Variants in ARIH1 observed in about 807,000 individuals in gnomAD.
The protein encoded by ARIH1 is E3 ubiquitin-protein ligase ARIH1.
ARIH1 carries 8 observed loss-of-function variants against 85.0 expected under a neutral mutation model. The ratio of observed to expected loss-of-function variants is 0.09; its 90% CI spans 0.06 to 0.17. ARIH1 has a LOEUF of 0.17. Ranked by LOEUF, ARIH1 falls within the 10% of genes least tolerant of loss-of-function variation. The probability of loss-of-function intolerance (pLI) is 1.00; values close to 1 mark genes in which losing one functional copy is unlikely to be tolerated. For missense variants in ARIH1, 311 were observed against 718.1 expected (o/e 0.43, Z 6.48); for synonymous variants, 238 against 253.6 (o/e 0.94, Z 0.59).
At chr15:72,548,895 T>G (rs71397251) in intron 3 of ARIH1, among the ~76,000 whole-genome samples, 2 of 152,224 alleles carry the variant, frequency 1.3e-5, no homozygotes, top group Non-Finnish European at 2.9e-5. Context: ...TTTTGATAGC[T>G]TAGTTTACAA....
rs1363737575 is a variant in ARIH1, at chr15:72,474,361, T to G, written c.-279T>G. 4 of 425,032 alleles carry G rather than the reference T, an allele frequency of 9.4e-6. No individual in the cohort carries two copies. Among genetic ancestry groups the G allele is most frequent in the African/African-American group, 2.2e-5 (1 of 46,400 alleles). 26.3% of individuals were successfully genotyped at this position (425,032 alleles called of 1,614,324 possible). ...GATAGCAGCGGCCGTGGAGGTGGCG[T>G]TGGGGACTGTTTTCTCTCGGAGGCC... On this transcript the variant is annotated 5_prime_UTR_variant, in exon 1 of 14. Coordinates refer to ENST00000379887, the MANE Select transcript of ARIH1 (RefSeq NM_005744.5).
At chr15:72,543,215 G>T (rs910345923) in intron 2 of ARIH1, among the ~76,000 whole-genome samples, 1 of 152,014 alleles carries the variant, frequency 6.6e-6, no homozygotes. Flanking sequence ...GATTGCAGGT[G>T]TGAGCCACCG....
At chr15:72,521,282 A>G (rs2063998852) in intron 2 of ARIH1, among the ~76,000 whole-genome samples, 1 of 133,032 alleles carries the variant, frequency 7.5e-6, no homozygotes, top group Non-Finnish European at 1.5e-5. Context: ...CTTAGAATAT[A>G]TCCTGTAATA....
intron 2 of ARIH1, among the ~76,000 whole-genome samples, chr15:72,519,303 C>G (rs1460545561): frequency 6.6e-6 from 1 of 151,478 alleles, no homozygotes; most frequent in African/African-American, 2.4e-5. Flanking sequence ...CACCTTGTAT[C>G]TATTAAATTA....
At chr15:72,514,697 T>C (rs2063966621) in intron 1 of ARIH1, among the ~76,000 whole-genome samples, 1 of 148,990 alleles carries the variant, frequency 6.7e-6, no homozygotes. Flanking sequence ...AAGCAAGACC[T>C]TGTCTTAAAA....
rs2064178164 is a variant in ARIH1 at position 72,557,218 on chromosome 15, G to A, written c.737+1311G>A. Among the ~76,000 whole-genome samples, 6 of 151,910 alleles carry A rather than the reference G, an allele frequency of 3.9e-5. No individual in the cohort carries two copies. In the South Asian group the frequency reaches 1.0e-3, roughly 26 times the overall value. On this transcript the variant is annotated intron_variant, in intron 5 of 13. Transcript: ENST00000379887. ...GATTTGCATTTCTCTAGTGATTAGT[G>A]GTGTTGAGCATTTTTTTGTACCTGT... is the stretch of plus-strand genomic sequence containing the variant.
chr15:72,564,714 C>G (rs753137010), intron 7 of ARIH1, among the ~76,000 whole-genome samples: 1 of 152,132 alleles, frequency 6.6e-6, no homozygotes, highest in African/African-American at 2.4e-5. Flanking sequence ...TCTTACAGTT[C>G]TTAAGGGTGA....
rs1444132035 is a variant in ARIH1 at position 72,598,872 on chromosome 15, C to A, written c.*15580C>A. 1 of 142,424 alleles carries A rather than the reference C, an allele frequency of 7.0e-6. No homozygotes were observed. Among genetic ancestry groups the A allele is most frequent in the Non-Finnish European group, 1.5e-5 (1 of 65,480 alleles). The allele number at this position is 142,424 out of a possible 1,614,324, so 8.8% of individuals were successfully genotyped here. On this transcript the variant is annotated 3_prime_UTR_variant, in exon 14 of 14. Transcript: ENST00000379887. Reference sequence around the variant, plus strand: ...AGCTGGGACCACAGTCATGTGCCACCATGCCTGGCTTTTTTTTTTTTGTAG... The same window carrying A: ...AGCTGGGACCACAGTCATGTGCCACAATGCCTGGCTTTTTTTTTTTTGTAG...
intron 1 of ARIH1, among the ~76,000 whole-genome samples, chr15:72,483,327 C>T (rs978537939): frequency 5.9e-5 from 9 of 152,238 alleles, no homozygotes; most frequent in African/African-American, 2.2e-4. Context: ...AGCTTGTTTC[C>T]TCCAGAGTGA....
rs1283799939 is a variant in ARIH1 at position 72,596,849 on chromosome 15, TCTGCTGAAATTTC to T, written c.*13560_*13572del. On this transcript the variant is annotated 3_prime_UTR_variant, in exon 14 of 14. Coordinates refer to ENST00000379887, the MANE Select transcript of ARIH1 (RefSeq NM_005744.5). ...CATTATATTTGTATAGTTACAATTT[TCTGCTGAAATTTC>T]CTATTTCTTCATGCATGTTTTCCAC... 1.3e-5 allele frequency: 2 copies of T among 152,222 alleles called. No individual in the cohort carries two copies. The highest frequency in any genetic ancestry group is 2.9e-5 in the Non-Finnish European group (2 of 68,032). The allele number at this position is 152,222 out of a possible 1,614,324, so 9.4% of individuals were successfully genotyped here.
At chr15:72,501,755 A>C (rs1238284478) in intron 1 of ARIH1, among the ~76,000 whole-genome samples, 1 of 152,244 alleles carries the variant, frequency 6.6e-6, no homozygotes, top group Non-Finnish European at 1.5e-5. Context: ...AATTCTAATC[A>C]CCACAAAAAT....
chr15:72,590,852 T>G lies in ARIH1; in HGVS notation c.*7560T>G, dbSNP rs1332287087. The stretch of plus-strand genomic sequence containing the variant: ...TTATGCCTGTTTAAAGGTTTGGTAT[T>G]TACTCCAAGTCACCTGCCTTTAGCC... On this transcript the variant is annotated 3_prime_UTR_variant, in exon 14 of 14. Coordinates refer to ENST00000379887, the MANE Select transcript of ARIH1 (RefSeq NM_005744.5). 6.6e-6 allele frequency: 1 copy of G among 152,192 alleles called. No homozygotes were observed. The highest frequency in any genetic ancestry group is 1.5e-5 in the Non-Finnish European group (1 of 68,048). 9.4% of individuals were successfully genotyped at this position (152,192 alleles called of 1,614,324 possible).
chr15:72,550,587 A>G (rs768157630), intron 3 of ARIH1, among the ~76,000 whole-genome samples: 13 of 152,180 alleles, frequency 8.5e-5, no homozygotes, highest in Non-Finnish European at 1.2e-4. Context: ...ATGGGGAGTA[A>G]TGATAATAGA....
chr15:72,573,546 C>T (rs896021461), intron 11 of ARIH1, among the ~76,000 whole-genome samples: 4 of 151,728 alleles, frequency 2.6e-5, no homozygotes, highest in Non-Finnish European at 4.4e-5. Flanking sequence ...GAGACTCTGT[C>T]GCTAAATAAA....
In ARIH1 at chr15:72,602,062, T is replaced by C. The variant is rs2064383875; in HGVS notation, c.*18770T>C. 6.6e-6 allele frequency: 1 copy of C among 152,226 alleles called. No homozygotes were observed. The allele number at this position is 152,226 out of a possible 1,614,324, so 9.4% of individuals were successfully genotyped here. On this transcript the variant is annotated 3_prime_UTR_variant, in exon 14 of 14. Transcript: ENST00000379887. ...TTTCTTTTTCATGCGCCATATAATA[T>C]GGACTTATAATTTATTTAACCTCTA...
At chr15:72,556,507 T>G (rs73444791) in intron 5 of ARIH1, among the ~76,000 whole-genome samples, 5,864 of 152,314 alleles carry the variant, frequency 0.038, 341 homozygotes, top group African/African-American at 0.13. Context: ...CTGCTGCTGA[T>G]TTCAGATACA....
In ARIH1 at chr15:72,484,551, A is replaced by G. The variant is rs115677413; in HGVS notation, c.375+9537A>G. 4.5e-3 allele frequency among the ~76,000 whole-genome samples: 677 copies of G among 152,024 alleles called. 7 individuals are homozygous for G. Among genetic ancestry groups the G allele is most frequent in the African/African-American group, 0.016 (652 of 41,466 alleles). On this transcript the variant is annotated intron_variant, in intron 1 of 13. Transcript: ENST00000379887. ...TCTGTTCTTGATTTACTTCTCTTAG[A>G]ATAATAAGTCTCCAATCCCATCCAG...
intron 2 of ARIH1, among the ~76,000 whole-genome samples, chr15:72,526,295 G>A (rs1479599102): frequency 6.6e-6 from 1 of 152,022 alleles, no homozygotes; most frequent in African/African-American, 2.4e-5. Flanking sequence ...CCTGGAGGGA[G>A]GTGCCCATGG....
At chr15:72,553,001 C>A (rs1467444396) in intron 3 of ARIH1, among the ~76,000 whole-genome samples, 1 of 152,092 alleles carries the variant, frequency 6.6e-6, no homozygotes, top group African/African-American at 2.4e-5. Context: ...TCTTAAACTC[C>A]TGACTGTAAG....
Sources: allele counts gnomAD v4.1 joint callset (sites outside exome capture counted in the v4.1 genomes callset), GRCh38; gene constraint gnomAD v4.1.1; transcripts MANE v1.5; gene names NCBI Gene and HGNC (gene_info 2026-07-23, HGNC 2026-07-21).